Variants in CCR7 observed in about 807,000 individuals in gnomAD.
CCR7 encodes the protein C-C motif chemokine receptor 7.
CCR7 carries 11 observed loss-of-function variants against 26.0 expected under a neutral mutation model. The observed-to-expected ratio is 0.42, with a 90% confidence interval of 0.27 to 0.70. The LOEUF (loss-of-function observed/expected upper bound fraction) is 0.70, where lower values mean the gene tolerates loss of function less well. CCR7 is among the 30% of genes least tolerant of loss of function. CCR7 has a pLI of 0.23. For missense variants in CCR7, 360 were observed against 504.0 expected (o/e 0.71, Z 2.74); for synonymous variants, 189 against 202.1 (o/e 0.94, Z 0.55).
chr17:40,563,851 A>G (rs1017908316), intron 1 of CCR7, among the ~76,000 whole-genome samples: 8 of 152,160 alleles, frequency 5.3e-5, no homozygotes, highest in African/African-American at 1.9e-4. Flanking sequence ...CTGTTCAGTC[A>G]TGTAGATGGC....
rs757771580 is a variant in CCR7, at chr17:40,555,760, T to C, written c.119A>G (p.Asp40Gly). The part of the protein sequence containing the change: ...DDYIGDNTTV[D>G]YTLFESLCSK... Reference sequence around the variant, plus strand: ...GCACAAAGACTCGAACAAAGTGTAGTCCACTGTGGTGTTGTCTCCGATGTA... The same window carrying C: ...GCACAAAGACTCGAACAAAGTGTAGCCCACTGTGGTGTTGTCTCCGATGTA... Residue 40 changes from aspartate (D) to glycine (G), a missense_variant, in exon 3 of 3, where the codon GAC (aspartate) becomes GGC (glycine). Transcript: ENST00000246657. This position sits in a 1 kb window ranked among gnomAD's most constrained non-coding sequence, Gnocchi z 5.6. The C allele has an allele frequency of 6.2e-7, 1 of 1,614,178 alleles. No homozygotes were observed. The highest frequency in any genetic ancestry group is 1.7e-5 in the Admixed American group (1 of 60,018).
In CCR7 at chr17:40,554,642, C is replaced by G; in HGVS notation, c.*100G>C. ...GAGGGGAGAGCTGCTTTTCCCTGAG[C>G]AGCTTTTGGCGGGGGGATGTCCTGA... is the stretch of plus-strand genomic sequence containing the variant. On this transcript the variant is annotated 3_prime_UTR_variant, in exon 3 of 3. Transcript: ENST00000246657. The G allele has an allele frequency of 1.1e-6, 1 of 917,594 alleles. No individual in the cohort carries two copies. The highest frequency in any genetic ancestry group is 1.7e-6 in the Non-Finnish European group (1 of 593,186). 56.8% of individuals were successfully genotyped at this position (917,594 alleles called of 1,614,324 possible). A position where few individuals can be genotyped will look rare whatever the true frequency, so the allele number is the denominator to read the frequency against.
intron 2 of CCR7, among the ~76,000 whole-genome samples, chr17:40,558,445 G>A (rs1415081788): frequency 3.3e-5 from 5 of 152,178 alleles, no homozygotes; most frequent in Non-Finnish European, 7.3e-5. Context: ...CGGGGGCTGC[G>A]AGGGAAGCCT....
intron 1 of CCR7, among the ~76,000 whole-genome samples, chr17:40,559,936 C>T (rs2036636087): frequency 6.6e-6 from 1 of 151,980 alleles, no homozygotes. Flanking sequence ...AACTGAAGTG[C>T]CTGCACACAC....
chr17:40,559,175 G>A (rs968161127), intron 1 of CCR7, among the ~76,000 whole-genome samples: 3 of 152,168 alleles, frequency 2.0e-5, no homozygotes, highest in African/African-American at 4.8e-5. Context: ...CTGGAAAGAA[G>A]CAGCATCAGA....
Position 40,554,991 on chromosome 17 carries a change from G to A in CCR7, c.888C>T (p.Ser296=), listed in dbSNP as rs751085716. 25 of 1,614,104 alleles carry A rather than the reference G, an allele frequency of 1.5e-5. No homozygotes were observed. Among genetic ancestry groups the A allele is most frequent in the Non-Finnish European group, 2.5e-6 (3 of 1,180,032 alleles). ...QTVANFNITS[S]TCELSKQLNI... ...TGAGTTGCTTACTGAGCTCACAGGT[G>A]CTACTGGTGATGTTGAAGTTGGCCA... Residue 296 remains serine (S), a synonymous_variant, in exon 3 of 3, where the codon AGC becomes AGT. Transcript: ENST00000246657.
At chr17:40,561,214 C>T (rs929567565) in intron 1 of CCR7, among the ~76,000 whole-genome samples, 1 of 152,200 alleles carries the variant, frequency 6.6e-6, no homozygotes, top group Non-Finnish European at 1.5e-5. Context: ...TCCTGCTGTT[C>T]CCGTCAGGGG....
Position 40,555,755 on chromosome 17 carries a change from T to C in CCR7, c.124A>G (p.Thr42Ala). 6.2e-7 allele frequency: 1 copy of C among 1,614,138 alleles called. No individual in the cohort carries two copies. The highest frequency in any genetic ancestry group is 1.7e-5 in the Admixed American group (1 of 60,020). ...YIGDNTTVDY[T>A]LFESLCSKKD... ...TTGGAGCACAAAGACTCGAACAAAG[T>C]GTAGTCCACTGTGGTGTTGTCTCCG... is the stretch of plus-strand genomic sequence containing the variant. The change falls in exon 3 of 3, where the codon ACT becomes GCT. Residue 42 changes from threonine to alanine, a missense_variant. Physicochemically the swap from Thr to Ala is moderately conservative, Grantham distance 58. Coordinates refer to ENST00000246657, the MANE Select transcript of CCR7 (RefSeq NM_001838.4). This position sits in a 1 kb window ranked among gnomAD's most constrained non-coding sequence, Gnocchi z 5.6.
At position 40,558,865 on chromosome 17, in the gene CCR7, C is replaced by T. The variant is rs370620921; in HGVS notation, c.60+28G>A. 5.6e-6 allele frequency: 9 copies of T among 1,608,322 alleles called. No individual in the cohort carries two copies. The African/African-American group carries it at 1.2e-4, about 22-fold the overall frequency. On this transcript the variant is annotated intron_variant, in intron 2 of 2. Coordinates refer to ENST00000246657, the MANE Select transcript of CCR7 (RefSeq NM_001838.4). ...TTGGGAGGCCGTGTGGAGAAGGGAA[C>T]AGAGCTTTCCTTGGCAGAGAACCTC...
intron 1 of CCR7, 149 bp downstream of exon 1, chr17:40,565,251 T>C: frequency 2.6e-6 from 2 of 765,074 alleles, no homozygotes; most frequent in Non-Finnish European, 4.7e-6. Context: ...TCTCTGGAAG[T>C]AGCTTCCAAT....
At chr17:40,561,132 G>A (rs941083641) in intron 1 of CCR7, 1 of 152,248 alleles carries the variant, frequency 6.6e-6, no homozygotes, top group Non-Finnish European at 1.5e-5. Flanking sequence ...CACAACGGGT[G>A]AGATCTGAGG....
At chr17:40,559,085 A>G in intron 1 of CCR7, 143 bp from the exon 2 acceptor site, 1 of 671,390 alleles carries the variant, frequency 1.5e-6, no homozygotes. Context: ...CATCAGAACC[A>G]GATTGTGCCT....
At chr17:40,557,047 C>A (rs1279377415) in intron 2 of CCR7, among the ~76,000 whole-genome samples, 1 of 152,210 alleles carries the variant, frequency 6.6e-6, no homozygotes, top group Non-Finnish European at 1.5e-5. Flanking sequence ...TGGAAGGAAG[C>A]GCAGCTCTCA....
chr17:40,556,996 C>A (rs1489299649), intron 2 of CCR7, among the ~76,000 whole-genome samples: 1 of 152,122 alleles, frequency 6.6e-6, no homozygotes, highest in Admixed American at 6.5e-5. Context: ...GGATGATGGG[C>A]CATGGGGGTG....
At chr17:40,561,935 C>T (rs993046256) in intron 1 of CCR7, among the ~76,000 whole-genome samples, 13 of 152,168 alleles carry the variant, frequency 8.5e-5, no homozygotes. Flanking sequence ...TTATCAACTG[C>T]TGTATCCAAT....
chr17:40,564,067 G>C (rs937350351), intron 1 of CCR7, among the ~76,000 whole-genome samples: 1 of 152,010 alleles, frequency 6.6e-6, no homozygotes, highest in Non-Finnish European at 1.5e-5. Flanking sequence ...GGTCTTCTGT[G>C]GGTGACGTCT....
At chr17:40,557,886 C>G (rs2036609954) in intron 2 of CCR7, among the ~76,000 whole-genome samples, 1 of 152,250 alleles carries the variant, frequency 6.6e-6, no homozygotes, top group African/African-American at 2.4e-5. Flanking sequence ...CCTCCCCTTC[C>G]CACCCTTCCA....
chr17:40,563,526 G>A (rs140410580), intron 1 of CCR7, among the ~76,000 whole-genome samples: 1,910 of 152,154 alleles, frequency 0.013, 41 homozygotes, highest in African/African-American at 0.044. Context: ...TTCATTTTGT[G>A]TAACAGAAAC....
intron 2 of CCR7, among the ~76,000 whole-genome samples, chr17:40,557,769 TC>T (rs2143910649): frequency 6.6e-6 from 1 of 152,220 alleles, no homozygotes; most frequent in East Asian, 1.9e-4. Flanking sequence ...TTTATAATTC[TC>T]CCTCCCCTAG....
Sources: gnomAD v4.1 joint callset for allele counts (sites outside exome capture counted in the v4.1 genomes callset) on GRCh38, gnomAD v4.1.1 for gene constraint, Gnocchi (gnomAD v3.1) non-coding constraint, MANE v1.5 for transcripts, NCBI Gene and HGNC (gene_info 2026-07-23, HGNC 2026-07-21) for gene names.